Variants in CPLANE1 observed in about 807,000 individuals in gnomAD.
CPLANE1 encodes the protein ciliogenesis and planar polarity effector 1.
Under a neutral mutation model 362.5 loss-of-function variants are expected in CPLANE1, and 263 were observed. That is an observed-to-expected ratio of 0.73 (90% CI 0.66 to 0.80). The LOEUF is 0.80. Ranked by LOEUF, CPLANE1 falls within the 30% of genes least tolerant of loss-of-function variation. The pLI, the probability that CPLANE1 is intolerant of heterozygous loss-of-function variation, is 0.00. For synonymous variants in CPLANE1, 1,212 were observed against 1,302.6 expected, an observed-to-expected ratio of 0.93 and a Z score of 1.50; for missense variants, 3,461 against 3,793.4, an observed-to-expected ratio of 0.91 and a Z score of 2.30.
chr5:37,182,940 C>T lies in CPLANE1; in HGVS notation c.5241G>A (p.Leu1747=), dbSNP rs751565919. The change falls in exon 26 of 53, where the codon CTG becomes CTA. Residue 1747 remains leucine (L), a synonymous_variant. Transcript: ENST00000651892. ...TATTAGACCACCTTATCATCCATTC[C>T]AGCAGTCTTCCTATACTGCCAAAAG... ...LNTFGSIGRL[L]EWMIRWSNRR... is the part of the protein sequence containing the mutation. The T allele has an allele frequency of 6.2e-7, 1 of 1,604,524 alleles. No individual in the cohort carries two copies. The highest frequency in any genetic ancestry group is 8.5e-7 in the Non-Finnish European group (1 of 1,175,978).
the CPLANE1 span, chr5:37,085,303 C>T: frequency 8.3e-6 from 9 of 1,081,726 alleles, no homozygotes; most frequent in South Asian, 6.2e-5. Context: ...ACCTACCCTG[C>T]TGGATTCATG....
rs2150406871 is a variant in CPLANE1 at position 37,142,408 on chromosome 5, A to G, written c.8534T>C (p.Ile2845Thr). 1 of 1,611,364 alleles carries G rather than the reference A, an allele frequency of 6.2e-7. No homozygotes were observed. Among genetic ancestry groups the G allele is most frequent in the East Asian group, 2.2e-5 (1 of 44,678 alleles). ...KKETSEPEFS[I>T]TENYSGQKTC... Reference sequence around the variant, plus strand: ...TTTCTGACCAGAATAATTTTCTGTTATTGAAAATTCAGGTTCTGAAGTCTC... The same window carrying G: ...TTTCTGACCAGAATAATTTTCTGTTGTTGAAAATTCAGGTTCTGAAGTCTC... The change falls in exon 44 of 53, where the codon ATA becomes ACA. Residue 2845 changes from isoleucine (I) to threonine (T), a missense_variant. Transcript: ENST00000651892.
intron 21 of CPLANE1, among the ~76,000 whole-genome samples, chr5:37,195,260 C>A (rs1407529507): frequency 6.6e-6 from 1 of 151,748 alleles, no homozygotes; most frequent in Non-Finnish European, 1.5e-5. Context: ...AGTTTTACTT[C>A]TTTTTAAACT....
intron 29 of CPLANE1, among the ~76,000 whole-genome samples, chr5:37,179,143 C>G (rs10061655): frequency 2.0e-5 from 3 of 152,170 alleles, no homozygotes; most frequent in African/African-American, 7.2e-5. Context: ...GATGTGAAAA[C>G]TTCATTGCCT....
chr5:37,241,853 C>A (rs1800589029), intron 6 of CPLANE1, among the ~76,000 whole-genome samples: 1 of 152,024 alleles, frequency 6.6e-6, no homozygotes, highest in Non-Finnish European at 1.5e-5. Context: ...TGGTCTTGAA[C>A]TCCTGGGCTC....
Position 37,182,891 on chromosome 5 carries a change from T to C in CPLANE1, c.5290A>G (p.Ile1764Val), listed in dbSNP as rs768980663. 13 of 1,608,196 alleles carry C rather than the reference T, an allele frequency of 8.1e-6. No homozygotes were observed. Among genetic ancestry groups the C allele is most frequent in the Non-Finnish European group, 1.1e-5 (13 of 1,178,360 alleles). ...CTGTACTCAGAGGATGACTCAGTTA[T>C]ACCAGAATCACAGAGTAGCCTTCTA... ...SNRRLLCDSG[I>V]TESSSEYSPV... is the part of the protein sequence containing the mutation. Residue 1764 changes from isoleucine (I) to valine (V), a missense_variant, in exon 26 of 53, where the codon ATA (isoleucine) becomes GTA (valine). Around this residue, in one of 2 missense-constraint regions of CPLANE1, gnomAD observed 3,380 missense variants for 3,666.1 expected, o/e 0.92. Transcript: ENST00000651892.
chr5:37,170,109 G>A lies in CPLANE1; in HGVS notation c.6394C>T (p.Arg2132Cys), dbSNP rs578127199. 15 of 1,613,994 alleles carry A rather than the reference G, an allele frequency of 9.3e-6. No homozygotes were observed. The highest frequency in any genetic ancestry group is 2.2e-5 in the South Asian group (2 of 91,072). ...TCATGGCAGTGTGGGCTGTTCTTGC[G>A]AGGCTCTCTGGCGTTCTCTCCCATT... ...QSMGENAREP[R>C]KNSPHCHEGT... The change falls in exon 33 of 53, where the codon CGC (arginine) becomes TGC (cysteine). Residue 2132 changes from arginine to cysteine, a missense_variant. Coordinates refer to ENST00000651892, the MANE Select transcript of CPLANE1 (RefSeq NM_001384732.1).
intron 42 of CPLANE1, among the ~76,000 whole-genome samples, chr5:37,149,534 C>A (rs1428351691): frequency 6.6e-6 from 1 of 152,000 alleles, no homozygotes; most frequent in Admixed American, 6.6e-5. Context: ...GATGCAGAAC[C>A]CATGGATATA....
At chr5:37,208,678 C>A (rs868292112) in intron 16 of CPLANE1, among the ~76,000 whole-genome samples, 126 of 103,468 alleles carry the variant, frequency 1.2e-3, no homozygotes, top group Admixed American at 2.6e-3. Context: ...CTCTGTCTCC[C>A]CCCCCCCCCA....
At chr5:37,181,867 C>T (rs888236775) in intron 26 of CPLANE1, among the ~76,000 whole-genome samples, 2 of 151,004 alleles carry the variant, frequency 1.3e-5, no homozygotes, top group African/African-American at 2.4e-5. Flanking sequence ...CCGAGGCGGG[C>T]GGATCACAAG....
chr5:37,106,961 G>A lies in CPLANE1; in HGVS notation c.*641C>T, dbSNP rs116744214. 6,048 of 985,276 alleles carry A rather than the reference G, an allele frequency of 6.1e-3. 88 individuals carry two copies. Among genetic ancestry groups the A allele is most frequent in the African/African-American group, 0.054 (3,097 of 57,306 alleles). The allele number at this position is 985,276 out of a possible 1,614,324, so 61.0% of individuals were successfully genotyped here. Reference sequence around the variant, plus strand: ...ATTTAAGATGAGCCTTCTAGAGGCCGGAGTCATATTCCCTTACTTTCCTGC... The same window carrying A: ...ATTTAAGATGAGCCTTCTAGAGGCCAGAGTCATATTCCCTTACTTTCCTGC... On this transcript the variant is annotated 3_prime_UTR_variant, in exon 53 of 53. Coordinates refer to ENST00000651892, the MANE Select transcript of CPLANE1 (RefSeq NM_001384732.1).
chr5:37,088,523 C>T, the CPLANE1 span, among the ~76,000 whole-genome samples: 3 of 152,186 alleles, frequency 2.0e-5, no homozygotes, highest in East Asian at 5.8e-4. Context: ...CTATATGTCC[C>T]CAATGTAGGA....
intron 50 of CPLANE1, among the ~76,000 whole-genome samples, chr5:37,117,818 C>T (rs559098108): frequency 2.0e-5 from 3 of 152,194 alleles, no homozygotes; most frequent in African/African-American, 4.8e-5. Flanking sequence ...AACGGAAAGA[C>T]GGGCTAAGGC....
At chr5:37,095,179 C>T in the CPLANE1 span, among the ~76,000 whole-genome samples, 1 of 152,100 alleles carries the variant, frequency 6.6e-6, no homozygotes, top group African/African-American at 2.4e-5. Context: ...ATGCTAAAAT[C>T]CTTAACAAAA....
intron 18 of CPLANE1, among the ~76,000 whole-genome samples, chr5:37,202,612 TGTAA>T (rs774636131): frequency 2.0e-5 from 3 of 152,100 alleles, no homozygotes; most frequent in East Asian, 3.8e-4. Flanking sequence ...AAAGGCAAAA[TGTAA>T]GATGTGGTGG....
chr5:37,118,452 C>T (rs574536101), intron 50 of CPLANE1, among the ~76,000 whole-genome samples: 1 of 150,334 alleles, frequency 6.7e-6, no homozygotes, highest in African/African-American at 2.4e-5. Context: ...AGGGTTTCAT[C>T]TAAAGAATTG....
At position 37,210,282 on chromosome 5, in the gene CPLANE1, G is replaced by T. The variant is rs911748150; in HGVS notation, c.2920+3277C>A. On this transcript the variant is annotated intron_variant, in intron 16 of 52. Coordinates refer to ENST00000651892, the MANE Select transcript of CPLANE1 (RefSeq NM_001384732.1). ...AAGAGAAGCAGAGCTGAAGCAAAGA[G>T]TTGAAGCTTTTGAACTGAACCAGAA... 1.3e-5 allele frequency: 21 copies of T among 1,595,768 alleles called. No homozygotes were observed. The Admixed American group carries it at 2.8e-4, about 22-fold the overall frequency.
At chr5:37,090,527 A>G in the CPLANE1 span, among the ~76,000 whole-genome samples, 191 of 152,328 alleles carry the variant, frequency 1.3e-3, no homozygotes, top group Non-Finnish European at 1.8e-3. Context: ...CACAGGACAA[A>G]TAGAGCACAT....
rs1439120946 is a variant in CPLANE1, at chr5:37,108,472, C to G, written c.9401-1G>C. The G allele has an allele frequency of 1.9e-6, 3 of 1,610,590 alleles. No individual in the cohort carries two copies. The highest frequency in any genetic ancestry group is 1.7e-6 in the Non-Finnish European group (2 of 1,179,106). ...AGACTATGACACGGAGCATTAGAGC[C>G]TTTTAAGGGATAAGAACAAAGCACA... On this transcript the variant is annotated splice_acceptor_variant, in intron 51 of 52. Coordinates refer to ENST00000651892, the MANE Select transcript of CPLANE1 (RefSeq NM_001384732.1). LOFTEE classifies it high-confidence loss of function.
Sources: allele counts gnomAD v4.1 joint callset (sites outside exome capture counted in the v4.1 genomes callset), GRCh38; gene constraint gnomAD v4.1.1; regional missense constraint gnomAD v4.1.1; transcripts MANE v1.5; gene names NCBI Gene and HGNC (gene_info 2026-07-23, HGNC 2026-07-21).